The following PARVB variants were observed in gnomAD, a reference collection of about 807,000 sequenced individuals.
PARVB encodes beta-parvin.
In PARVB, 46 loss-of-function variants were observed where a neutral mutation model predicts 47.0. The ratio of observed to expected loss-of-function variants is 0.98; its 90% CI spans 0.77 to 1.25. The LOEUF (loss-of-function observed/expected upper bound fraction) is 1.25, where lower values mean the gene tolerates loss of function less well. Ranked by LOEUF, PARVB falls within the 50% of genes most tolerant of loss-of-function variation. The pLI is 0.00. For missense variants in PARVB, 473 were observed against 471.6 expected, an observed-to-expected ratio of 1.00 and a Z score of -0.03; for synonymous variants, 196 against 196.3, an observed-to-expected ratio of 1.00 and a Z score of 0.01.
At chr22:44,099,013 C>T (rs1005044643) in intron 2 of PARVB, among the ~76,000 whole-genome samples, 1 of 152,154 alleles carries the variant, frequency 6.6e-6, no homozygotes, top group South Asian at 2.1e-4. Context: ...TGGTCAGTGT[C>T]CCCAGCCCCA....
At chr22:44,045,406 A>G (rs1601521452) in intron 1 of PARVB, among the ~76,000 whole-genome samples, 1 of 152,194 alleles carries the variant, frequency 6.6e-6, no homozygotes. Flanking sequence ...GAGGAGCCCA[A>G]CTTCTTTTGA....
intron 1 of PARVB, among the ~76,000 whole-genome samples, chr22:44,082,235 T>C (rs538294565): frequency 6.6e-6 from 1 of 152,110 alleles, no homozygotes; most frequent in Non-Finnish European, 1.5e-5. Context: ...ATTAAAGAAG[T>C]TGGCCAGGTG....
chr22:44,136,469 G>A lies in PARVB; in HGVS notation c.643G>A (p.Gly215Ser). 6.2e-7 allele frequency: 1 copy of A among 1,613,984 alleles called. No homozygotes were observed. The highest frequency in any genetic ancestry group is 8.5e-7 in the Non-Finnish European group (1 of 1,179,896). ...ATTTTGGGGTTTTCAGAAACGGGAA[G>A]GCCTGCTGCATTCCAGCCACATCTC... ...VQVVVVRKRE[G>S]LLHSSHISEE... The change falls in exon 7 of 13, where the codon GGC becomes AGC. Residue 215 changes from glycine to serine, a missense_variant. Physicochemically the swap from Gly to Ser is moderately conservative, Grantham distance 56 (BLOSUM62 0). Coordinates refer to ENST00000338758, the MANE Select transcript of PARVB (RefSeq NM_013327.5).
At chr22:44,030,395 A>AC (rs946115790) in intron 1 of PARVB, among the ~76,000 whole-genome samples, 2 of 151,772 alleles carry the variant, frequency 1.3e-5, no homozygotes, top group Non-Finnish European at 2.9e-5. Context: ...TCCTGAGGAG[A>AC]CCCCCAGGCA....
intron 4 of PARVB, among the ~76,000 whole-genome samples, chr22:44,122,536 GAGAGAGAGAGAGAGAGAC>G (rs1569134407): frequency 1.4e-4 from 13 of 95,838 alleles, no homozygotes; most frequent in East Asian, 1.2e-3. Flanking sequence ...GACAGAGAGA[GAGAGAGAGAGAGAGAGAC>G]ACAGAGACAG....
At chr22:44,000,694 C>T (rs963779192) in intron 2 of PARVB, among the ~76,000 whole-genome samples, 2 of 152,228 alleles carry the variant, frequency 1.3e-5, no homozygotes, top group African/African-American at 4.8e-5. Flanking sequence ...TTTCAGATAA[C>T]TGTGAACATT....
At chr22:44,039,679 G>A (rs1267578625) in intron 1 of PARVB, among the ~76,000 whole-genome samples, 1 of 152,196 alleles carries the variant, frequency 6.6e-6, no homozygotes, top group Non-Finnish European at 1.5e-5. Flanking sequence ...ACGGACAGCA[G>A]TAATTGACAG....
chr22:44,119,642 C>A, intron 4 of PARVB: 1 of 418,272 alleles, frequency 2.4e-6, no homozygotes, highest in Non-Finnish European at 5.0e-6. Context: ...GTTTGATGTG[C>A]AGACAAACCG....
intron 1 of PARVB, among the ~76,000 whole-genome samples, chr22:44,071,602 T>C (rs2051656439): frequency 1.3e-5 from 2 of 152,142 alleles, no homozygotes; most frequent in South Asian, 4.1e-4. Context: ...CCACCACCTA[T>C]GCTCCTAGAG....
intron 1 of PARVB, among the ~76,000 whole-genome samples, chr22:44,062,139 A>T (rs1296948332): frequency 1.3e-5 from 2 of 152,184 alleles, no homozygotes; most frequent in African/African-American, 4.8e-5. Flanking sequence ...TTCTGACACC[A>T]GAGGTGCAGG....
intron 4 of PARVB, among the ~76,000 whole-genome samples, chr22:44,127,433 G>A (rs113345414): frequency 3.9e-5 from 6 of 152,228 alleles, no homozygotes; most frequent in Admixed American, 3.9e-4. Context: ...TGAGCTCCAG[G>A]ATGCCAGGAA....
In PARVB at chr22:44,172,737, G is replaced by C. The variant is rs1024393071; in HGVS notation, c.*4059G>C. ...ATTGTTTTAAGCAATGTTTACTTTG[G>C]ATTTCTGGATGTTATATAAAAGCCA... On this transcript the variant is annotated 3_prime_UTR_variant, in exon 13 of 13. Coordinates refer to ENST00000338758, the MANE Select transcript of PARVB (RefSeq NM_013327.5). 1.0e-5 allele frequency: 3 copies of C among 292,628 alleles called. No individual in the cohort carries two copies. The highest frequency in any genetic ancestry group is 6.8e-5 in the African/African-American group (3 of 43,818). The allele number at this position is 292,628 out of a possible 1,614,324, so 18.1% of individuals were successfully genotyped here.
chr22:44,129,507 T>C (rs1226797143), intron 4 of PARVB, among the ~76,000 whole-genome samples: 1 of 152,164 alleles, frequency 6.6e-6, no homozygotes, highest in Non-Finnish European at 1.5e-5. Flanking sequence ...AGGCTTCCCA[T>C]CTCCCTGGTG....
In PARVB at chr22:44,156,597, T is replaced by A. The variant is rs545162841; in HGVS notation, c.844-1385T>A. The stretch of plus-strand genomic sequence containing the variant: ...TAGAAGTTTTTACTTTTAATTTTTT[T>A]AAAAATTCAAATTTAAGAATTCTGG... On this transcript the variant is annotated intron_variant, in intron 10 of 12. Transcript: ENST00000338758. 2.6e-5 allele frequency among the ~76,000 whole-genome samples: 4 copies of A among 152,330 alleles called. No individual in the cohort carries two copies. In the South Asian group the frequency reaches 6.2e-4, roughly 24 times the overall value.
intron 9 of PARVB, 63 bp from the exon 10 acceptor site, chr22:44,151,420 C>G (rs765032148): frequency 2.5e-6 from 3 of 1,222,370 alleles, no homozygotes; most frequent in African/African-American, 3.0e-5. Context: ...TCAAGCCTGC[C>G]CCTCCAGATG....
rs3216456 is a variant in PARVB at position 44,102,677 on chromosome 22, C to CA, written c.273+2567dup. On this transcript the variant is annotated intron_variant, in intron 3 of 12. Coordinates refer to ENST00000338758, the MANE Select transcript of PARVB (RefSeq NM_013327.5). ...CAACATGGTGAAACCCTGTCTCTAC[C>CA]AAAAAAAAAAAAATTAACTGGGTGT... The CA allele has an allele frequency of 8.0e-3, 1,122 of 140,658 alleles. 11 individuals carry two copies. The highest frequency in any genetic ancestry group is 0.023 in the African/African-American group (886 of 38,460). The allele number at this position is 140,658 out of a possible 1,614,324, so 8.7% of individuals were successfully genotyped here. A position where few individuals can be genotyped will look rare whatever the true frequency, so the allele number is the denominator to read the frequency against.
chr22:44,120,352 G>T (rs1303069636), intron 4 of PARVB, among the ~76,000 whole-genome samples: 2 of 152,200 alleles, frequency 1.3e-5, no homozygotes, highest in Non-Finnish European at 2.9e-5. Context: ...ATCTGGAACC[G>T]CCTTCCCTTT....
intron 10 of PARVB, chr22:44,151,817 A>C: frequency 2.4e-6 from 1 of 421,622 alleles, no homozygotes; most frequent in South Asian, 2.5e-5. Context: ...GAAGTCCAAA[A>C]TCAAGATGGG....
intron 1 of PARVB, among the ~76,000 whole-genome samples, chr22:44,092,475 C>T (rs553809764): frequency 1.1e-4 from 16 of 152,246 alleles, no homozygotes; most frequent in South Asian, 8.3e-4. Flanking sequence ...AAAGAGGGTC[C>T]GCTTTTTAAG....
Sources: allele counts gnomAD v4.1 joint callset (sites outside exome capture counted in the v4.1 genomes callset), GRCh38; gene constraint gnomAD v4.1.1; transcripts MANE v1.5; gene names NCBI Gene and HGNC (gene_info 2026-07-23, HGNC 2026-07-21).